The following SCN10A variants were observed in gnomAD, a reference collection of about 807,000 sequenced individuals.
SCN10A encodes sodium channel protein type 10 subunit alpha.
SCN10A carries 162 observed loss-of-function variants against 170.7 expected under a neutral mutation model. The observed-to-expected ratio is 0.95, with a 90% CI of 0.84 to 1.08. The LOEUF (loss-of-function observed/expected upper bound fraction) is 1.08. SCN10A is among the 50% of genes least tolerant of loss of function. SCN10A has a pLI of 0.00. For missense variants in SCN10A, 2,527 were observed against 2,436.9 expected, an observed-to-expected ratio of 1.04 and a Z score of -0.78; for synonymous variants, 985 against 904.6, an observed-to-expected ratio of 1.09 and a Z score of -1.59.
chr3:38,736,962 CGTT>C (rs1326859000), intron 15 of SCN10A, among the ~76,000 whole-genome samples: 743 of 69,172 alleles, frequency 0.011, 30 homozygotes, highest in African/African-American at 0.033. Context: ...CAGAAATGTT[CGTT>C]TTTTTTTTTT....
chr3:38,771,209 C>T, intron 5 of SCN10A, 70 bp downstream of exon 5: 2 of 1,561,136 alleles, frequency 1.3e-6, no homozygotes, highest in Non-Finnish European at 8.7e-7. Context: ...TGCATGTTAG[C>T]CCTGTCTCCT....
At chr3:38,731,942 G>A (rs1454728349) in intron 15 of SCN10A, among the ~76,000 whole-genome samples, 1 of 152,242 alleles carries the variant, frequency 6.6e-6, no homozygotes, top group Non-Finnish European at 1.5e-5. Flanking sequence ...CCAGCTTGCA[G>A]TATTAAGCTT....
intron 4 of SCN10A, among the ~76,000 whole-genome samples, chr3:38,772,582 C>T (rs533800261): frequency 6.6e-6 from 1 of 151,926 alleles, no homozygotes; most frequent in South Asian, 2.1e-4. Flanking sequence ...CCAGCTACTC[C>T]GGAGGCTGAG....
intron 6 of SCN10A, among the ~76,000 whole-genome samples, chr3:38,762,817 G>A (rs887731380): frequency 6.6e-6 from 1 of 152,186 alleles, no homozygotes; most frequent in African/African-American, 2.4e-5. Flanking sequence ...TTACAGATAA[G>A]AGAACGAATT....
intron 5 of SCN10A, among the ~76,000 whole-genome samples, chr3:38,767,147 A>G (rs981732830): frequency 5.9e-5 from 9 of 151,718 alleles, no homozygotes; most frequent in Non-Finnish European, 1.2e-4. Context: ...AATCTTGCCA[A>G]TGGTCAATCA....
chr3:38,724,492 AT>A (rs2063431170), intron 18 of SCN10A, among the ~76,000 whole-genome samples: 1 of 152,194 alleles, frequency 6.6e-6, no homozygotes, highest in South Asian at 2.1e-4. Context: ...TTTACCTTGT[AT>A]AAGACAATCC....
chr3:38,756,415 T>C (rs1184075085), intron 10 of SCN10A, among the ~76,000 whole-genome samples: 4 of 152,150 alleles, frequency 2.6e-5, no homozygotes, highest in African/African-American at 9.7e-5. Context: ...AGAACACTCC[T>C]TGTTTAGTTC....
intron 1 of SCN10A, among the ~76,000 whole-genome samples, chr3:38,814,195 G>T (rs1211811277): frequency 6.6e-6 from 1 of 152,206 alleles, no homozygotes; most frequent in African/African-American, 2.4e-5. Flanking sequence ...GATTTGGGCA[G>T]AAAGTGATTG....
intron 5 of SCN10A, among the ~76,000 whole-genome samples, chr3:38,769,549 T>C (rs1010179120): frequency 1.1e-4 from 16 of 152,184 alleles, no homozygotes; most frequent in Non-Finnish European, 1.9e-4. Context: ...CCCTGAATTC[T>C]TTATCTGGCA....
intron 16 of SCN10A, among the ~76,000 whole-genome samples, chr3:38,728,290 A>C (rs574371001): frequency 1.3e-5 from 2 of 152,312 alleles, no homozygotes; most frequent in Non-Finnish European, 2.9e-5. Flanking sequence ...TCACCCACCT[A>C]GTAAATGGTG....
At chr3:38,729,213 T>A (rs2063489856) in intron 15 of SCN10A, among the ~76,000 whole-genome samples, 1 of 152,098 alleles carries the variant, frequency 6.6e-6, no homozygotes, top group Non-Finnish European at 1.5e-5. Flanking sequence ...CCCTCCTGAA[T>A]ATGGGCCTCT....
intron 4 of SCN10A, among the ~76,000 whole-genome samples, chr3:38,781,679 C>A (rs963257632): frequency 6.6e-6 from 1 of 152,116 alleles, no homozygotes; most frequent in Non-Finnish European, 1.5e-5. Flanking sequence ...CAGGAATAAA[C>A]AAACTCATTT....
chr3:38,737,796 TCC>T (rs2063582786), intron 15 of SCN10A, among the ~76,000 whole-genome samples: 11 of 23,356 alleles, frequency 4.7e-4, no homozygotes, highest in East Asian at 6.8e-3. Flanking sequence ...CTCCCTCCCT[TCC>T]TCTTTCTTTC....
At chr3:38,742,996 A>C (rs2063650280) in intron 13 of SCN10A, among the ~76,000 whole-genome samples, 1 of 151,892 alleles carries the variant, frequency 6.6e-6, no homozygotes, top group African/African-American at 2.4e-5. Flanking sequence ...ATGCTTACCA[A>C]CCCTCCTAGA....
intron 9 of SCN10A, 50 bp downstream of exon 9, chr3:38,756,968 T>G (rs752711411): frequency 6.2e-7 from 1 of 1,604,230 alleles, no homozygotes; most frequent in South Asian, 1.1e-5. Context: ...GCCATGCAGC[T>G]GACCCACCAG....
intron 1 of SCN10A, among the ~76,000 whole-genome samples, chr3:38,805,010 A>C (rs932121128): frequency 2.0e-5 from 3 of 152,140 alleles, no homozygotes; most frequent in Admixed American, 6.5e-5. Flanking sequence ...GTGAATAAGT[A>C]CCGTGGAGTG....
Position 38,697,430 on chromosome 3 carries a change from A to G in SCN10A, c.5790T>C (p.Asp1930=), listed in dbSNP as rs765775433. The change falls in exon 28 of 28, where the codon GAT becomes GAC. Residue 1930 remains aspartate (D), a synonymous_variant. Coordinates refer to ENST00000449082, the MANE Select transcript of SCN10A (RefSeq NM_006514.4). ...AGCTAGATGTCCTCATGTTGACTCT[A>G]TCACTAAGGCCTCTAGTGACACTCT... ...SYESVTRGLS[D]RVNMRTSSSI... is the part of the protein sequence containing the mutation. 2 of 1,614,098 alleles carry G rather than the reference A, an allele frequency of 1.2e-6. No homozygotes were observed. The highest frequency in any genetic ancestry group is 1.7e-6 in the Non-Finnish European group (2 of 1,180,038).
At chr3:38,716,156 T>C (rs982182043) in intron 21 of SCN10A, among the ~76,000 whole-genome samples, 1 of 152,164 alleles carries the variant, frequency 6.6e-6, no homozygotes, top group Non-Finnish European at 1.5e-5. Context: ...TGGGTAACTA[T>C]GTGAGATGAT....
At chr3:38,777,239 A>G (rs369984227) in intron 4 of SCN10A, among the ~76,000 whole-genome samples, 1 of 152,082 alleles carries the variant, frequency 6.6e-6, no homozygotes, top group Admixed American at 6.6e-5. Flanking sequence ...TTATTTGCAG[A>G]TAATATAACT....
Sources: gnomAD v4.1 joint callset for allele counts (sites outside exome capture counted in the v4.1 genomes callset) on GRCh38, gnomAD v4.1.1 for gene constraint, MANE v1.5 for transcripts, NCBI Gene and HGNC (gene_info 2026-07-23, HGNC 2026-07-21) for gene names.